PHEX: variants seen among roughly 807,000 people sequenced by gnomAD.
The protein encoded by PHEX is phosphate regulating endopeptidase X-linked, also known as phosphate-regulating neutral endopeptidase PHEX.
PHEX carries 16 observed loss-of-function variants against 68.0 expected under a neutral mutation model. The observed-to-expected ratio is 0.24, with a 90% CI of 0.16 to 0.36. The LOEUF is 0.36. PHEX is among the 10% of genes least tolerant of loss of function. The pLI, the probability that PHEX is intolerant of heterozygous loss-of-function variation, is 1.00. For missense variants in PHEX, 480 were observed against 575.5 expected (o/e 0.83, Z 1.70); for synonymous variants, 208 against 205.1 (o/e 1.01, Z -0.12).
At chrX:22,143,298 C>T (rs746612550) in intron 12 of PHEX, among the ~76,000 whole-genome samples, 2 of 112,054 alleles carry the variant, frequency 1.8e-5, no homozygotes, top group South Asian at 7.3e-4. Context: ...TGAAATGTTA[C>T]CAACACATAG....
chrX:22,230,969 TGA>T lies in PHEX; in HGVS notation c.2070+3362_2070+3363del, dbSNP rs749486467. On this transcript the variant is annotated intron_variant, in intron 20 of 21. Coordinates refer to ENST00000379374, the MANE Select transcript of PHEX (RefSeq NM_000444.6). Reference sequence around the variant, plus strand: ...TACGTGCCATCAATACCTAGTTTACTGAGAGTTTTTAGCATCAAGGGGTGTTG... The same window carrying T: ...TACGTGCCATCAATACCTAGTTTACTGAGTTTTTAGCATCAAGGGGTGTTG... Among the ~76,000 whole-genome samples the T allele has an allele frequency of 7.1e-5, 8 of 112,133 alleles. No homozygotes were observed. In the East Asian group the frequency reaches 2.2e-3, roughly 31 times the overall value.
At chrX:22,238,592 C>T (rs1185905219) in intron 20 of PHEX, among the ~76,000 whole-genome samples, 1 of 111,475 alleles carries the variant, frequency 9.0e-6, no homozygotes, top group Non-Finnish European at 1.9e-5. Flanking sequence ...GGAGGGGCAT[C>T]CGCCATTGCT....
chrX:22,048,112 A>G (rs1043425532), intron 3 of PHEX, among the ~76,000 whole-genome samples: 5 of 111,468 alleles, frequency 4.5e-5, no homozygotes, highest in African/African-American at 1.6e-4. Flanking sequence ...AATATGTATC[A>G]TTTTACAATA....
At chrX:22,232,258 T>A (rs1050873554) in intron 20 of PHEX, among the ~76,000 whole-genome samples, 3 of 111,330 alleles carry the variant, frequency 2.7e-5, no homozygotes, top group Non-Finnish European at 3.8e-5. Context: ...TGATTTGGGG[T>A]GGAGAGTTCT....
intron 12 of PHEX, among the ~76,000 whole-genome samples, chrX:22,148,561 C>G (rs1932768110): frequency 9.0e-6 from 1 of 110,762 alleles, no homozygotes; most frequent in Non-Finnish European, 1.9e-5. Context: ...CCATGCAGTA[C>G]AATTGGTTAC....
In PHEX at chrX:22,096,984, C is replaced by T. The variant is rs772573976; in HGVS notation, c.879C>T (p.Ser293=). Residue 293 remains serine, a synonymous_variant, in exon 8 of 22, where the codon AGC becomes AGT. Coordinates refer to ENST00000379374, the MANE Select transcript of PHEX (RefSeq NM_000444.6). ...EIMIPHENRT[S]EAMYNKMNIS... Reference sequence around the variant, plus strand: ...TGATTCCACATGAAAACCGAACCAGCGAGGCCATGTACAACAAAATGAACA... The same window carrying T: ...TGATTCCACATGAAAACCGAACCAGTGAGGCCATGTACAACAAAATGAACA... 4 of 1,203,379 alleles carry T rather than the reference C, an allele frequency of 3.3e-6. No individual in the cohort carries two copies. Among genetic ancestry groups the T allele is most frequent in the South Asian group, 1.8e-5 (1 of 56,634 alleles).
At chrX:22,173,166 C>A (rs930136579) in intron 13 of PHEX, among the ~76,000 whole-genome samples, 1 of 112,081 alleles carries the variant, frequency 8.9e-6, no homozygotes, top group Admixed American at 9.4e-5. Context: ...TTAAAAAACA[C>A]AAAACATTGC....
At chrX:22,244,665 G>T (rs1055717041) in intron 20 of PHEX, among the ~76,000 whole-genome samples, 1 of 111,681 alleles carries the variant, frequency 9.0e-6, no homozygotes, top group Admixed American at 9.5e-5. Context: ...TGCTTCTGTG[G>T]ATACCACAGG....
At chrX:22,133,953 A>G (rs190617589) in intron 12 of PHEX, among the ~76,000 whole-genome samples, 18 of 112,164 alleles carry the variant, frequency 1.6e-4, no homozygotes, top group African/African-American at 5.5e-4. Flanking sequence ...AATGCAGAGC[A>G]GTGGGGAGTC....
chrX:22,045,027 T>G (rs939504128), intron 2 of PHEX, among the ~76,000 whole-genome samples: 5 of 108,079 alleles, frequency 4.6e-5, no homozygotes, highest in Non-Finnish European at 7.6e-5. Flanking sequence ...AGTGTTTTTT[T>G]TTTGTGTGTG....
chrX:22,183,522 C>T (rs1933942178), intron 14 of PHEX, among the ~76,000 whole-genome samples: 1 of 111,451 alleles, frequency 9.0e-6, no homozygotes, highest in Non-Finnish European at 1.9e-5. Context: ...TTTCTCAGTC[C>T]ACCTATCCTG....
At chrX:22,241,808 T>G (rs1053318197) in intron 20 of PHEX, among the ~76,000 whole-genome samples, 1 of 111,483 alleles carries the variant, frequency 9.0e-6, no homozygotes, top group Non-Finnish European at 1.9e-5. Context: ...AAAAAGTTGT[T>G]GAGGACCAGA....
At chrX:22,052,800 G>A (rs1173553771) in intron 3 of PHEX, among the ~76,000 whole-genome samples, 1 of 110,325 alleles carries the variant, frequency 9.1e-6, no homozygotes, top group Admixed American at 9.8e-5. Flanking sequence ...TCAAAGGGGG[G>A]AGGGTGGGAG....
chrX:22,040,887 G>A lies in PHEX; in HGVS notation c.187+2350G>A, dbSNP rs879135948. On this transcript the variant is annotated intron_variant, in intron 2 of 21. Transcript: ENST00000379374. ...TCGGTGGAGGGCTCAGTTAGAGGGAGTCTTTCTTGATGGAGAAGAGACCAT... is the reference window on the plus strand; with the variant it reads ...TCGGTGGAGGGCTCAGTTAGAGGGAATCTTTCTTGATGGAGAAGAGACCAT... Among the ~76,000 whole-genome samples the A allele has an allele frequency of 3.7e-5, 4 of 107,835 alleles. No homozygotes were observed. The Admixed American group carries it at 4.0e-4, about 11-fold the overall frequency. The allele number at this position is 107,835 out of a possible 115,157, so 93.6% of individuals were successfully genotyped here.
intron 5 of PHEX, among the ~76,000 whole-genome samples, chrX:22,087,940 G>A (rs757551252): frequency 2.7e-5 from 3 of 111,596 alleles, no homozygotes; most frequent in Non-Finnish European, 5.6e-5. Flanking sequence ...TTCATTTTTT[G>A]TGATGTACAT....
At position 22,077,616 on chromosome X, in the gene PHEX, A is replaced by G; in HGVS notation, c.577A>G (p.Thr193Ala). 2.5e-6 allele frequency: 3 copies of G among 1,210,913 alleles called. No homozygotes were observed. Among genetic ancestry groups the G allele is most frequent in the Non-Finnish European group, 3.4e-6 (3 of 894,976 alleles). Residue 193 changes from threonine to alanine, a missense_variant, in exon 5 of 22, where the codon ACG becomes GCG. Transcript: ENST00000379374. ...GTTCAGCCTTCTGCAGACACTTGCA[A>G]CGTTTCGTGGTCAATACAGCAATTC... ...RKFSLLQTLA[T>A]FRGQYSNSVF...
intron 13 of PHEX, among the ~76,000 whole-genome samples, chrX:22,170,864 C>G (rs1933501128): frequency 8.9e-6 from 1 of 112,397 alleles, no homozygotes; most frequent in African/African-American, 3.2e-5. Flanking sequence ...AAACAGGATG[C>G]CATGTTGGCT....
intron 12 of PHEX, among the ~76,000 whole-genome samples, chrX:22,141,394 T>G (rs780168509): frequency 2.7e-5 from 3 of 112,146 alleles, no homozygotes; most frequent in African/African-American, 9.7e-5. Context: ...ATTACTGCCT[T>G]TGTCTTGCAT....
At chrX:22,144,749 G>GAAAA (rs56273956) in intron 12 of PHEX, among the ~76,000 whole-genome samples, 2 of 97,904 alleles carry the variant, frequency 2.0e-5, no homozygotes, top group Admixed American at 1.1e-4. Context: ...TCTTTTTTTT[G>GAAAA]AAAAAAAAAA....
Sources: allele counts gnomAD v4.1 joint callset (sites outside exome capture counted in the v4.1 genomes callset), GRCh38; gene constraint gnomAD v4.1.1; transcripts MANE v1.5; gene names NCBI Gene and HGNC (gene_info 2026-07-23, HGNC 2026-07-21).